Variants in RUNX3 observed in about 807,000 individuals in gnomAD.
RUNX3 encodes runt-related transcription factor 3.
A neutral mutation model predicts 27.7 loss-of-function variants in RUNX3; 10 were observed. The ratio of observed to expected loss-of-function variants is 0.36; its 90% CI spans 0.22 to 0.61. The LOEUF is 0.61. RUNX3 is among the 20% of genes least tolerant of loss of function. The pLI, the probability that RUNX3 is intolerant of heterozygous loss-of-function variation, is 0.72. For synonymous variants in RUNX3, 270 were observed against 269.2 expected (o/e 1.00, Z -0.03); for missense variants, 469 against 629.5 (o/e 0.75, Z 2.73).
At chr1:24,921,366 A>AG (rs539510909) in intron 2 of RUNX3, among the ~76,000 whole-genome samples, 77 of 152,254 alleles carry the variant, frequency 5.1e-4, no homozygotes, top group Non-Finnish European at 9.1e-4. Flanking sequence ...CTGAGACACC[A>AG]GGGGGAATTT....
At chr1:24,931,127 G>A (rs948010766), upstream of RUNX3, among the ~76,000 whole-genome samples, 3 of 152,206 alleles carry the variant, frequency 2.0e-5, no homozygotes, top group Non-Finnish European at 4.4e-5. Flanking sequence ...ATCGTGAAAC[G>A]GTACGCGCGT....
intron 2 of RUNX3, among the ~76,000 whole-genome samples, chr1:24,947,686 C>A (rs938716370): frequency 6.6e-6 from 1 of 152,170 alleles, no homozygotes; most frequent in African/African-American, 2.4e-5. Context: ...TTAACCTAGG[C>A]CCCTGGGGAC....
rs1027048507 is a variant in RUNX3, at chr1:24,904,705, G to A, written c.704-2039C>T. Among the ~76,000 whole-genome samples the A allele has an allele frequency of 6.6e-6, 1 of 152,086 alleles. No individual in the cohort carries two copies. Among genetic ancestry groups the A allele is most frequent in the Non-Finnish European group, 1.5e-5 (1 of 68,002 alleles). Reference sequence around the variant, plus strand: ...GGACTGTGCCCCTCAGAGCTCACGCGGGCTGCAGGGCGCTGGGCTGGGCCT... The same window carrying A: ...GGACTGTGCCCCTCAGAGCTCACGCAGGCTGCAGGGCGCTGGGCTGGGCCT... On this transcript the variant is annotated intron_variant, in intron 4 of 4. Transcript: ENST00000308873. The surrounding 1 kb of genome is among the most constrained non-coding windows in gnomAD (Gnocchi z 5.7).
chr1:24,925,873 G>A (rs1286464366), intron 2 of RUNX3, among the ~76,000 whole-genome samples: 2 of 152,104 alleles, frequency 1.3e-5, no homozygotes, highest in Non-Finnish European at 2.9e-5. Context: ...CCAACGCCTT[G>A]GAAACCCATT....
rs1350402268 is a variant in RUNX3 at position 24,943,136 on chromosome 1, G to A, written c.59-13284C>T. Reference sequence around the variant, plus strand: ...GTTCCAGCCACCAGGCGGGACCAGCGCCGGGCAGACTGCCGGTTTTCCCAG... The same window carrying A: ...GTTCCAGCCACCAGGCGGGACCAGCACCGGGCAGACTGCCGGTTTTCCCAG... On this transcript the variant is annotated intron_variant, in intron 2 of 6. Coordinates refer to the RUNX3 transcript ENST00000338888. This position sits in a 1 kb window ranked among gnomAD's most constrained non-coding sequence, Gnocchi z 4.6. Among the ~76,000 whole-genome samples, 5 of 152,252 alleles carry A rather than the reference G, an allele frequency of 3.3e-5. No homozygotes were observed. The highest frequency in any genetic ancestry group is 2.1e-4 in the South Asian group (1 of 4,834).
In RUNX3 at chr1:24,943,094, C is replaced by T. The variant is rs1557854225; in HGVS notation, c.59-13242G>A. 6.6e-6 allele frequency among the ~76,000 whole-genome samples: 1 copy of T among 152,268 alleles called. No individual in the cohort carries two copies. Among genetic ancestry groups the T allele is most frequent in the Non-Finnish European group, 1.5e-5 (1 of 68,044 alleles). ...CAGCACCGGGAGCCGAGCCGGGTGTCATTGATCTTGCCCGGTGTTCCAGCC... is the reference window on the plus strand; with the variant it reads ...CAGCACCGGGAGCCGAGCCGGGTGTTATTGATCTTGCCCGGTGTTCCAGCC... On this transcript the variant is annotated intron_variant, in intron 2 of 6. Coordinates refer to the RUNX3 transcript ENST00000338888. This position sits in a 1 kb window ranked among gnomAD's most constrained non-coding sequence, Gnocchi z 4.6.
intron 1 of RUNX3, among the ~76,000 whole-genome samples, chr1:24,928,021 G>GA (rs1174363729): frequency 6.6e-6 from 1 of 152,210 alleles, no homozygotes; most frequent in Non-Finnish European, 1.5e-5. Flanking sequence ...CCAGAGCTGT[G>GA]AATCAGCTCA....
chr1:24,964,790 G>T, intron 1 of RUNX3: 1 of 1,213,916 alleles, frequency 8.2e-7, no homozygotes, highest in Non-Finnish European at 1.1e-6. Flanking sequence ...GTGTGTGAGT[G>T]AGAGAGAGAA....
Position 24,930,082 on chromosome 1 carries a change from C to G in RUNX3, c.-214G>C. 1.0e-6 allele frequency: 1 copy of G among 980,082 alleles called. No individual in the cohort carries two copies. Among genetic ancestry groups the G allele is most frequent in the Non-Finnish European group, 1.2e-6 (1 of 827,836 alleles). 60.7% of individuals were successfully genotyped at this position (980,082 alleles called of 1,614,324 possible). On this transcript the variant is annotated 5_prime_UTR_variant, in exon 1 of 5. Transcript: ENST00000308873. This position sits in a 1 kb window ranked among gnomAD's most constrained non-coding sequence, Gnocchi z 4.1. ...CGCTGGCCCGACGGCCGCCCGCAGC[C>G]TGCCCGGCTAGTCCCGCATCCTCGG...
At chr1:24,930,463 G>A (rs1314678906), upstream of RUNX3, among the ~76,000 whole-genome samples, 2 of 151,828 alleles carry the variant, frequency 1.3e-5, no homozygotes, top group Non-Finnish European at 1.5e-5. This position sits in a 1 kb window ranked among gnomAD's most constrained non-coding sequence, Gnocchi z 4.1. Flanking sequence ...CCCCGCGGAG[G>A]AGGCCCCAGT....
intron 3 of RUNX3, among the ~76,000 whole-genome samples, chr1:24,909,847 G>A (rs957870319): frequency 7.2e-5 from 11 of 152,166 alleles, no homozygotes; most frequent in African/African-American, 2.4e-4. Context: ...TCTACCTCAC[G>A]TGACTTGGTG....
Position 24,923,817 on chromosome 1 carries a change from T to TCTGTCGACGGAAAGGGGCGGGGATAG in RUNX3, c.439+3756_439+3757insCTATCCCCGCCCCTTTCCGTCGACAG. Among the ~76,000 whole-genome samples the TCTGTCGACGGAAAGGGGCGGGGATAG allele has an allele frequency of 6.6e-6, 1 of 152,284 alleles. No homozygotes were observed. ...GCACCGGCACACTGCACCCCGAATC[T>TCTGTCGACGGAAAGGGGCGGGGATAG]CTGTCGACACACAGTTGCTTTTTAA... On this transcript the variant is annotated intron_variant, in intron 2 of 4. Coordinates refer to ENST00000308873, the MANE Select transcript of RUNX3 (RefSeq NM_004350.3). The surrounding 1 kb of genome is among the most constrained non-coding windows in gnomAD (Gnocchi z 5.9).
rs762919599 is a variant in RUNX3, at chr1:24,907,384, G to A, written c.578C>T (p.Pro193Leu). 42 of 1,613,808 alleles carry A rather than the reference G, an allele frequency of 2.6e-5. No homozygotes were observed. In the South Asian group the frequency reaches 4.0e-4, roughly 15 times the overall value. Residue 193 changes from proline (P) to leucine (L), a missense_variant, in exon 4 of 5, where the codon CCG (proline) becomes CTG (leucine). By Grantham distance (98) the Pro-to-Leu change is moderately conservative. This residue lies in a region of RUNX3 where 279 missense variants were observed against 343.0 expected (regional missense o/e 0.81). Coordinates refer to ENST00000308873, the MANE Select transcript of RUNX3 (RefSeq NM_004350.3). ...HRQKLEDQTKPFPDRFGDLER... is the reference protein window; with the variant it reads ...HRQKLEDQTKLFPDRFGDLER... ...CAGGTCCCCAAAGCGGTCAGGGAAC[G>A]GCTTGGTCTGGTCCTCCAGCTTCTG...
upstream of RUNX3, among the ~76,000 whole-genome samples, chr1:24,933,813 G>A (rs1386055773): frequency 6.6e-6 from 1 of 152,202 alleles, no homozygotes; most frequent in Admixed American, 6.5e-5. Flanking sequence ...TTCCCAGGAG[G>A]CCTCTGTTCC....
In RUNX3 at chr1:24,929,785, C is replaced by A; in HGVS notation, c.84G>T (p.Lys28Asn). The stretch of plus-strand genomic sequence containing the variant: ...TCAGCGCGCCGCTGTTCTCGCCCAT[C>A]TTGCCGCCGCCGCCGCCGCAGGGGA... ...PAFPCGGGGG[K>N]MGENSGALSA... The change falls in exon 1 of 5, where the codon AAG becomes AAT. Residue 28 changes from lysine (K) to asparagine (N), a missense_variant. Lys to Asn is a moderately conservative substitution (Grantham distance 94). Coordinates refer to ENST00000308873, the MANE Select transcript of RUNX3 (RefSeq NM_004350.3). 7.0e-7 allele frequency: 1 copy of A among 1,435,948 alleles called. No homozygotes were observed. Among genetic ancestry groups the A allele is most frequent in the South Asian group, 1.4e-5 (1 of 70,714 alleles). The allele number at this position is 1,435,948 out of a possible 1,614,324, so 89.0% of individuals were successfully genotyped here.
intron 2 of RUNX3, among the ~76,000 whole-genome samples, chr1:24,954,277 G>T (rs373337107): frequency 6.6e-6 from 1 of 152,226 alleles, no homozygotes; most frequent in Admixed American, 6.5e-5. Flanking sequence ...GTTCTACAAC[G>T]TAAAATGCAG....
rs763209861 is a variant in RUNX3, at chr1:24,929,745, C to T, written c.124G>A (p.Val42Met). The T allele has an allele frequency of 1.8e-5, 27 of 1,472,144 alleles. No homozygotes were observed. The East Asian group carries it at 2.8e-4, about 15-fold the overall frequency. The allele number at this position is 1,472,144 out of a possible 1,614,324, so 91.2% of individuals were successfully genotyped here. A position where few individuals can be genotyped will look rare whatever the true frequency, so the allele number is the denominator to read the frequency against. ...NSGALSAQAA[V>M]GPGGRARPEV... ...GGCCGGGCGCGCCCTCCGGGCCCCACGGCCGCCTGCGCGCTCAGCGCGCCG... is the reference window on the plus strand; with the variant it reads ...GGCCGGGCGCGCCCTCCGGGCCCCATGGCCGCCTGCGCGCTCAGCGCGCCG... The change falls in exon 1 of 5, where the codon GTG becomes ATG. Residue 42 changes from valine (V) to methionine (M), a missense_variant. By Grantham distance (21) the Val-to-Met change is conservative. Around this residue, in one of 3 missense-constraint regions of RUNX3, gnomAD observed 115 missense variants for 118.0 expected, o/e 0.97. Transcript: ENST00000308873.
chr1:24,952,363 A>G (rs565219539), intron 2 of RUNX3, among the ~76,000 whole-genome samples: 2 of 152,344 alleles, frequency 1.3e-5, no homozygotes, highest in Non-Finnish European at 2.9e-5. Context: ...ACAGTTGAGC[A>G]TACACTATTT....
At chr1:24,949,271 C>T (rs1296220177) in intron 2 of RUNX3, among the ~76,000 whole-genome samples, 1 of 152,098 alleles carries the variant, frequency 6.6e-6, no homozygotes, top group Non-Finnish European at 1.5e-5. Flanking sequence ...AAATATCCCC[C>T]TCAGGGTGTA....
Sources: gnomAD v4.1 joint callset for allele counts (sites outside exome capture counted in the v4.1 genomes callset) on GRCh38, gnomAD v4.1.1 for gene constraint, gnomAD v4.1.1 regional missense constraint, Gnocchi (gnomAD v3.1) non-coding constraint, MANE v1.5 for transcripts, NCBI Gene and HGNC (gene_info 2026-07-23, HGNC 2026-07-21) for gene names.